MSRA: variants seen among roughly 807,000 people sequenced by gnomAD.
The protein encoded by MSRA is mitochondrial peptide methionine sulfoxide reductase.
In MSRA, 54 loss-of-function variants were observed where a neutral mutation model predicts 31.3. The ratio of observed to expected loss-of-function variants is 1.73; its 90% CI spans 1.39 to 2.17. The LOEUF is 2.17. Ranked by LOEUF, MSRA falls within the 30% of genes most tolerant of loss-of-function variation. The pLI is 0.00. For missense variants in MSRA, 507 were observed against 300.9 expected (o/e 1.69, Z -5.07); for synonymous variants, 169 against 116.5 (o/e 1.45, Z -2.90).
intron 5 of MSRA, among the ~76,000 whole-genome samples, chr8:10,419,236 C>A (rs1252146565): frequency 6.6e-6 from 1 of 152,174 alleles, no homozygotes; most frequent in Non-Finnish European, 1.5e-5. Flanking sequence ...CACTCGGCAT[C>A]CTGGGGGCTT....
At chr8:10,335,942 A>C (rs1472850455) in intron 5 of MSRA, among the ~76,000 whole-genome samples, 2 of 152,160 alleles carry the variant, frequency 1.3e-5, no homozygotes, top group Non-Finnish European at 2.9e-5. Flanking sequence ...CCCAGGATGC[A>C]CACTCCCGCT....
At chr8:10,150,767 G>T (rs952582694) in intron 1 of MSRA, among the ~76,000 whole-genome samples, 3 of 152,134 alleles carry the variant, frequency 2.0e-5, no homozygotes, top group African/African-American at 7.2e-5. Context: ...AAGCGCGCAG[G>T]ATTAAAAAGC....
chr8:10,297,273 C>CTG (rs1396711525), intron 3 of MSRA, among the ~76,000 whole-genome samples: 11 of 152,158 alleles, frequency 7.2e-5, no homozygotes, highest in African/African-American at 2.4e-4. Context: ...TCCTCTGGGG[C>CTG]TGTGGGGTAA....
At chr8:10,172,944 C>T (rs769218929) in intron 1 of MSRA, among the ~76,000 whole-genome samples, 10 of 152,014 alleles carry the variant, frequency 6.6e-5, no homozygotes, top group South Asian at 2.1e-4. Flanking sequence ...AGCATAACAC[C>T]GAGTGGAAAT....
chr8:10,408,391 A>G (rs1036191997), intron 5 of MSRA, among the ~76,000 whole-genome samples: 1 of 152,072 alleles, frequency 6.6e-6, no homozygotes, highest in Admixed American at 6.5e-5. Flanking sequence ...TTTTTTAAAA[A>G]ATTAGCCAGG....
chr8:10,218,114 CTATT>C (rs371596796), intron 2 of MSRA, among the ~76,000 whole-genome samples: 25,899 of 138,584 alleles, frequency 0.19, 2,520 homozygotes, highest in East Asian at 0.24. Flanking sequence ...GGTTCCTTTT[CTATT>C]TATTTATTTA....
chr8:10,275,606 G>C (rs1422306548), intron 3 of MSRA, among the ~76,000 whole-genome samples: 1 of 152,198 alleles, frequency 6.6e-6, no homozygotes, highest in Non-Finnish European at 1.5e-5. Context: ...TAAAAAGCAA[G>C]AGATGGAACT....
At chr8:10,405,232 C>T (rs1807730412) in intron 5 of MSRA, among the ~76,000 whole-genome samples, 3 of 152,126 alleles carry the variant, frequency 2.0e-5, no homozygotes, top group African/African-American at 7.2e-5. Flanking sequence ...CTCTGTCAAC[C>T]CTGTGCCTAG....
chr8:10,407,943 C>G (rs1807919988), intron 5 of MSRA, among the ~76,000 whole-genome samples: 2 of 152,262 alleles, frequency 1.3e-5, no homozygotes, highest in African/African-American at 4.8e-5. Flanking sequence ...TGGAGATGCA[C>G]CGAATCTTTG....
intron 3 of MSRA, among the ~76,000 whole-genome samples, chr8:10,258,884 A>T (rs775446969): frequency 6.6e-6 from 1 of 152,208 alleles, no homozygotes; most frequent in Non-Finnish European, 1.5e-5. Flanking sequence ...AGGCGGGCAG[A>T]TCGCTTGAGG....
At chr8:10,220,713 C>G (rs1810412912) in intron 2 of MSRA, among the ~76,000 whole-genome samples, 2 of 152,186 alleles carry the variant, frequency 1.3e-5, no homozygotes, top group Non-Finnish European at 1.5e-5. Flanking sequence ...TTCCAGCACC[C>G]TTATATGGAT....
chr8:10,319,093 C>A (rs948783258), intron 4 of MSRA, among the ~76,000 whole-genome samples: 3 of 152,110 alleles, frequency 2.0e-5, no homozygotes, highest in Admixed American at 6.5e-5. Context: ...TTTTAACCTG[C>A]ACAGATTTTC....
chr8:10,073,649 C>T (rs969944053), intron 1 of MSRA, among the ~76,000 whole-genome samples: 6 of 151,950 alleles, frequency 3.9e-5, no homozygotes, highest in African/African-American at 1.5e-4. Context: ...TTGGCTAAGA[C>T]CTAGAGCTTG....
intron 5 of MSRA, among the ~76,000 whole-genome samples, chr8:10,407,807 A>T (rs866642756): frequency 7.9e-5 from 12 of 152,160 alleles, no homozygotes; most frequent in Non-Finnish European, 1.5e-4. Context: ...ATTTTAATCA[A>T]AATTCTTGCT....
intron 1 of MSRA, among the ~76,000 whole-genome samples, chr8:10,127,432 G>C (rs1034551323): frequency 2.6e-5 from 4 of 152,170 alleles, no homozygotes; most frequent in African/African-American, 7.2e-5. Flanking sequence ...AGGGATGAAG[G>C]AGAAACAGCT....
At chr8:10,139,968 C>G (rs1308457875) in intron 1 of MSRA, among the ~76,000 whole-genome samples, 1 of 152,150 alleles carries the variant, frequency 6.6e-6, no homozygotes, top group East Asian at 1.9e-4. Flanking sequence ...GCTGAGTCAT[C>G]TATAGCAAAA....
chr8:10,069,829 C>G (rs1267311434), intron 1 of MSRA, among the ~76,000 whole-genome samples: 1 of 152,198 alleles, frequency 6.6e-6, no homozygotes, highest in Non-Finnish European at 1.5e-5. Context: ...AAGAAGTTCT[C>G]TACTCTTAGT....
intron 2 of MSRA, among the ~76,000 whole-genome samples, chr8:10,208,544 G>T (rs1585172621): frequency 6.6e-6 from 1 of 151,928 alleles, no homozygotes; most frequent in African/African-American, 2.4e-5. Flanking sequence ...TCTGCACATG[G>T]CCCTTTCTTT....
intron 5 of MSRA, among the ~76,000 whole-genome samples, chr8:10,416,508 G>A (rs1041067218): frequency 1.3e-5 from 2 of 152,226 alleles, no homozygotes; most frequent in African/African-American, 4.8e-5. Flanking sequence ...CTGGAGCATG[G>A]CTGGTTACTG....
Sources: allele counts gnomAD v4.1 joint callset (sites outside exome capture counted in the v4.1 genomes callset), GRCh38; gene constraint gnomAD v4.1.1; transcripts MANE v1.5; gene names NCBI Gene and HGNC (gene_info 2026-07-23, HGNC 2026-07-21).